MMP26: variants seen among roughly 807,000 people sequenced by gnomAD.
MMP26 encodes the protein matrix metalloproteinase-26.
In MMP26, 33 loss-of-function variants were observed where a neutral mutation model predicts 31.0. That is an observed-to-expected ratio of 1.06 (90% CI 0.81 to 1.42). The LOEUF (loss-of-function observed/expected upper bound fraction) is 1.42, where lower values mean the gene tolerates loss of function less well. Among genes scored for constraint, MMP26 ranks in the 40% most tolerant of loss-of-function variants. MMP26 has a pLI of 0.00. For missense variants in MMP26, 347 were observed against 316.1 expected (o/e 1.10, Z -0.74); for synonymous variants, 122 against 114.9 (o/e 1.06, Z -0.40).
chr11:4,903,173 A>G (rs1235007572), intron 2 of MMP26, among the ~76,000 whole-genome samples: 2 of 152,154 alleles, frequency 1.3e-5, no homozygotes, highest in East Asian at 3.8e-4. Context: ...ATATGTGAAT[A>G]AAACGCAGGA....
At chr11:4,784,629 G>A (rs550833248) in intron 2 of MMP26, among the ~76,000 whole-genome samples, 1 of 152,262 alleles carries the variant, frequency 6.6e-6, no homozygotes, top group South Asian at 2.1e-4. Flanking sequence ...GAATAGGCAA[G>A]GAAACATTCT....
intron 2 of MMP26, among the ~76,000 whole-genome samples, chr11:4,910,602 T>A (rs535298340): frequency 1.6e-3 from 238 of 152,194 alleles, no homozygotes; most frequent in Admixed American, 3.9e-3. Context: ...ATACCTCAAT[T>A]TTATTCCCTT....
At chr11:4,723,625 G>C in intron 1 of MMP26, 1 of 886,944 alleles carries the variant, frequency 1.1e-6, no homozygotes, top group Non-Finnish European at 1.9e-6. Flanking sequence ...CTCCAGCTCT[G>C]CACACTTATT....
Position 4,882,573 on chromosome 11 carries a change from G to A in MMP26, c.-144-105495G>A, listed in dbSNP as rs144368286. The stretch of plus-strand genomic sequence containing the variant: ...CTTTTCTCCTATGTCCTGATCCTCC[G>A]TACTGTTCTGGGCATTGTGGCCCGA... On this transcript the variant is annotated intron_variant, in intron 2 of 7. Transcript: ENST00000380390. 1.6e-4 allele frequency: 254 copies of A among 1,613,780 alleles called. No homozygotes were observed. The highest frequency in any genetic ancestry group is 1.9e-4 in the Non-Finnish European group (227 of 1,179,906).
intron 2 of MMP26, among the ~76,000 whole-genome samples, chr11:4,871,109 A>G (rs1198200763): frequency 6.6e-6 from 1 of 152,158 alleles, no homozygotes; most frequent in Non-Finnish European, 1.5e-5. Context: ...TTGCAGCAAT[A>G]TTCTACTATA....
At chr11:4,853,376 C>G (rs1227408944) in intron 2 of MMP26, among the ~76,000 whole-genome samples, 1 of 151,854 alleles carries the variant, frequency 6.6e-6, no homozygotes, top group Admixed American at 6.6e-5. Flanking sequence ...GTCAATTATA[C>G]TTTAATAAAG....
chr11:4,928,309 G>T (rs557127368), intron 2 of MMP26, among the ~76,000 whole-genome samples: 12 of 152,116 alleles, frequency 7.9e-5, no homozygotes, highest in South Asian at 6.2e-4. Flanking sequence ...AAAACCACAG[G>T]TTTCTTCATT....
intron 2 of MMP26, among the ~76,000 whole-genome samples, chr11:4,885,407 T>G (rs1323014002): frequency 6.6e-6 from 1 of 152,150 alleles, no homozygotes; most frequent in Non-Finnish European, 1.5e-5. Context: ...ATATTAGTAT[T>G]TTTGCTGTGC....
intron 1 of MMP26, among the ~76,000 whole-genome samples, chr11:4,715,485 AT>A (rs1847917868): frequency 6.6e-6 from 1 of 152,140 alleles, no homozygotes; most frequent in African/African-American, 2.4e-5. Context: ...TGGATCTAAA[AT>A]TTTTTGTCTT....
chr11:4,802,402 T>C (rs1210308509), intron 2 of MMP26, among the ~76,000 whole-genome samples: 1 of 152,210 alleles, frequency 6.6e-6, no homozygotes, highest in Non-Finnish European at 1.5e-5. Context: ...GGAGGACAAT[T>C]TGCTATCTGT....
Position 4,795,475 on chromosome 11 carries a change from C to T in MMP26, c.-145+28134C>T, listed in dbSNP as rs534065647. 6.6e-5 allele frequency among the ~76,000 whole-genome samples: 10 copies of T among 152,290 alleles called. No individual in the cohort carries two copies. The South Asian group carries it at 1.5e-3, about 22-fold the overall frequency. Reference sequence around the variant, plus strand: ...AGAAAATTGTCTGAACAGGAAACTACGTATCATATGTAAATCAACACACAT... The same window carrying T: ...AGAAAATTGTCTGAACAGGAAACTATGTATCATATGTAAATCAACACACAT... On this transcript the variant is annotated intron_variant, in intron 2 of 7. Coordinates refer to ENST00000380390, the MANE Select transcript of MMP26 (RefSeq NM_021801.5).
intron 1 of MMP26, among the ~76,000 whole-genome samples, chr11:4,726,209 G>C (rs1401914359): frequency 6.6e-6 from 1 of 152,106 alleles, no homozygotes; most frequent in Admixed American, 6.5e-5. Flanking sequence ...GGGCATGGTG[G>C]CTCACACCTG....
intron 2 of MMP26, among the ~76,000 whole-genome samples, chr11:4,830,814 C>G (rs142248868): frequency 6.6e-6 from 1 of 152,292 alleles, no homozygotes; most frequent in African/African-American, 2.4e-5. Flanking sequence ...GACACCTGCA[C>G]TGGTCACCAA....
At chr11:4,980,202 C>T (rs1846793138) in intron 2 of MMP26, among the ~76,000 whole-genome samples, 1 of 152,006 alleles carries the variant, frequency 6.6e-6, no homozygotes, top group African/African-American at 2.4e-5. Flanking sequence ...GTATCAGGGT[C>T]AGTTACCCTT....
chr11:4,853,726 A>C (rs978047484), intron 2 of MMP26, among the ~76,000 whole-genome samples: 2 of 152,178 alleles, frequency 1.3e-5, no homozygotes, highest in African/African-American at 4.8e-5. Context: ...AAGAAGAAAT[A>C]ATAACTAATG....
intron 1 of MMP26, among the ~76,000 whole-genome samples, chr11:4,756,049 A>G (rs1848500970): frequency 6.6e-6 from 1 of 152,066 alleles, no homozygotes; most frequent in African/African-American, 2.4e-5. Flanking sequence ...CTAACAAGAA[A>G]ACATCCTTAA....
intron 1 of MMP26, among the ~76,000 whole-genome samples, chr11:4,730,427 A>AGAGAGAGAGAGAGAGAGAGAGAGG (rs1471980358): frequency 7.2e-5 from 11 of 151,984 alleles, no homozygotes; most frequent in African/African-American, 2.7e-4. Context: ...AGAGAGAGAG[A>AGAGAGAGAGAGAGAGAGAGAGAGG]GAGCAAGCGA....
chr11:4,851,096 A>T (rs1849969487), intron 2 of MMP26, among the ~76,000 whole-genome samples: 1 of 152,178 alleles, frequency 6.6e-6, no homozygotes, highest in Non-Finnish European at 1.5e-5. Context: ...TGTCAATAAG[A>T]TCCATTTTGA....
At chr11:4,803,733 G>A (rs963741436) in intron 2 of MMP26, 4 of 1,613,728 alleles carry the variant, frequency 2.5e-6, no homozygotes, top group Middle Eastern at 3.3e-4. Flanking sequence ...ACATACCAAT[G>A]ACAATCATAT....
Sources: allele counts gnomAD v4.1 joint callset (sites outside exome capture counted in the v4.1 genomes callset), GRCh38; gene constraint gnomAD v4.1.1; transcripts MANE v1.5; gene names NCBI Gene and HGNC (gene_info 2026-07-23, HGNC 2026-07-21).